The following NRXN3 variants were observed in gnomAD, a reference collection of about 807,000 sequenced individuals.
The protein encoded by NRXN3 is neurexin III.
A neutral mutation model predicts 137.6 loss-of-function variants in NRXN3; 32 were observed. The ratio of observed to expected loss-of-function variants is 0.23; its 90% CI spans 0.18 to 0.31. NRXN3 has a LOEUF of 0.31. NRXN3 is among the 10% of genes least tolerant of loss of function. The pLI, the probability that NRXN3 is intolerant of heterozygous loss-of-function variation, is 1.00. For missense variants in NRXN3, 1,574 were observed against 2,062.5 expected, an observed-to-expected ratio of 0.76 and a Z score of 4.59; for synonymous variants, 798 against 784.5, an observed-to-expected ratio of 1.02 and a Z score of -0.29.
intron 16 of NRXN3, among the ~76,000 whole-genome samples, chr14:79,473,341 T>A (rs1328269541): frequency 1.3e-5 from 2 of 151,900 alleles, no homozygotes; most frequent in African/African-American, 2.4e-5. Context: ...CCAACGAGAG[T>A]CCTGTAGAAT....
intron 15 of NRXN3, among the ~76,000 whole-genome samples, chr14:79,240,674 C>T (rs1163433520): frequency 6.6e-6 from 1 of 152,042 alleles, no homozygotes. Context: ...ATGTGCTTGT[C>T]TTTGTGCTCC....
intron 4 of NRXN3, among the ~76,000 whole-genome samples, chr14:78,478,080 A>T (rs2095410580): frequency 6.6e-6 from 1 of 152,244 alleles, no homozygotes; most frequent in African/African-American, 2.4e-5. Flanking sequence ...TGAAGAATAT[A>T]GCTGAGAAGC....
Position 78,810,357 on chromosome 14 carries a change from T to C in NRXN3, c.2275+13T>C. 1.6e-6 allele frequency: 2 copies of C among 1,248,184 alleles called. No individual in the cohort carries two copies. The highest frequency in any genetic ancestry group is 2.2e-6 in the Non-Finnish European group (2 of 905,320). 77.3% of individuals were successfully genotyped at this position (1,248,184 alleles called of 1,614,324 possible). A position where few individuals can be genotyped will look rare whatever the true frequency, so the allele number is the denominator to read the frequency against. On this transcript the variant is annotated intron_variant, in intron 10 of 20. Coordinates refer to ENST00000335750, the MANE Select transcript of NRXN3 (RefSeq NM_001330195.2). ...AACTGTAACTCCAGTAAGTTTTCCC[T>C]CAAGTTTCATTTTGTTCTTTAAAAA...
intron 17 of NRXN3, among the ~76,000 whole-genome samples, chr14:79,684,147 CTAGAGT>C (rs1432431040): frequency 6.6e-6 from 1 of 152,088 alleles, no homozygotes; most frequent in Non-Finnish European, 1.5e-5. Flanking sequence ...ACAAAAAATC[CTAGAGT>C]TAAACATTTT....
chr14:78,353,041 G>GC (rs1408095400), intron 4 of NRXN3, among the ~76,000 whole-genome samples: 1 of 152,172 alleles, frequency 6.6e-6, no homozygotes, highest in Non-Finnish European at 1.5e-5. Flanking sequence ...CACATTCCCT[G>GC]CAAAAGGGGT....
At chr14:78,507,210 G>A (rs960548336) in intron 4 of NRXN3, among the ~76,000 whole-genome samples, 2 of 152,114 alleles carry the variant, frequency 1.3e-5, no homozygotes, top group Admixed American at 1.3e-4. Context: ...TCCTCAAAAC[G>A]AATCCATGGG....
At chr14:78,600,463 G>C (rs1480302280) in intron 4 of NRXN3, among the ~76,000 whole-genome samples, 1 of 152,180 alleles carries the variant, frequency 6.6e-6, no homozygotes, top group Non-Finnish European at 1.5e-5. Context: ...GATTTGAGGA[G>C]TCATAAAACC....
intron 15 of NRXN3, among the ~76,000 whole-genome samples, chr14:79,371,086 C>A (rs1462406947): frequency 5.3e-5 from 8 of 152,106 alleles, no homozygotes; most frequent in Admixed American, 5.2e-4. Context: ...AAATGTTGTT[C>A]TAACTGTTCC....
intron 19 of NRXN3, among the ~76,000 whole-genome samples, chr14:79,709,408 T>G (rs187028489): frequency 6.6e-6 from 1 of 152,266 alleles, no homozygotes; most frequent in East Asian, 1.9e-4. Flanking sequence ...CATCAGACAA[T>G]GCTGCTCCGG....
intron 8 of NRXN3, among the ~76,000 whole-genome samples, chr14:78,784,719 T>G (rs2098783159): frequency 6.6e-6 from 1 of 151,998 alleles, no homozygotes; most frequent in Non-Finnish European, 1.5e-5. Context: ...CATTAGGAGA[T>G]GATTTCGGAA....
At chr14:78,852,367 A>G (rs2099044991) in intron 10 of NRXN3, among the ~76,000 whole-genome samples, 1 of 152,218 alleles carries the variant, frequency 6.6e-6, no homozygotes, top group Non-Finnish European at 1.5e-5. Context: ...ATAATTAACA[A>G]TGATTATAAA....
intron 8 of NRXN3, among the ~76,000 whole-genome samples, chr14:78,797,577 A>G (rs111875514): frequency 1.2e-4 from 18 of 152,342 alleles, no homozygotes; most frequent in African/African-American, 4.3e-4. Flanking sequence ...CTATCTTCCA[A>G]TAGAAATTTT....
intron 6 of NRXN3, among the ~76,000 whole-genome samples, chr14:78,697,017 G>C (rs4903788): frequency 6.6e-6 from 1 of 152,038 alleles, no homozygotes; most frequent in South Asian, 2.1e-4. Flanking sequence ...GACATTGCTC[G>C]TTGATCACAG....
chr14:79,286,538 A>ATG (rs1409685156), intron 15 of NRXN3, among the ~76,000 whole-genome samples: 5 of 133,466 alleles, frequency 3.7e-5, no homozygotes, highest in Non-Finnish European at 1.5e-5. Context: ...AGAGAATAAT[A>ATG]TATATATATA....
At chr14:78,246,615 G>T (rs1002965600) in intron 2 of NRXN3, among the ~76,000 whole-genome samples, 1 of 152,228 alleles carries the variant, frequency 6.6e-6, no homozygotes, top group Non-Finnish European at 1.5e-5. Context: ...TGTTGATCCT[G>T]GTAATTGTCA....
chr14:79,603,236 TTC>T (rs2097949745), intron 16 of NRXN3, among the ~76,000 whole-genome samples: 1 of 48,412 alleles, frequency 2.1e-5, no homozygotes, highest in African/African-American at 3.2e-4. Flanking sequence ...GGTTACTCCA[TTC>T]CATTGGCCAG....
At chr14:79,774,139 T>C (rs924613301) in intron 19 of NRXN3, among the ~76,000 whole-genome samples, 2 of 152,144 alleles carry the variant, frequency 1.3e-5, no homozygotes, top group African/African-American at 4.8e-5. Context: ...TTTCAAGTAG[T>C]GGAAAGTTAT....
chr14:78,354,735 T>C (rs926815656), intron 4 of NRXN3, among the ~76,000 whole-genome samples: 5 of 152,222 alleles, frequency 3.3e-5, no homozygotes, highest in Admixed American at 2.0e-4. Context: ...ATTCTCTCTT[T>C]ATTGCAAGTG....
intron 16 of NRXN3, among the ~76,000 whole-genome samples, chr14:79,529,553 C>A (rs2097151535): frequency 6.6e-6 from 1 of 152,222 alleles, no homozygotes; most frequent in African/African-American, 2.4e-5. Flanking sequence ...ATGGCTAAGT[C>A]ATGTACTTAA....
Sources: allele counts gnomAD v4.1 joint callset (sites outside exome capture counted in the v4.1 genomes callset), GRCh38; gene constraint gnomAD v4.1.1; transcripts MANE v1.5; gene names NCBI Gene and HGNC (gene_info 2026-07-23, HGNC 2026-07-21).